Variants in TTC7B observed in about 807,000 individuals in gnomAD.
The protein encoded by TTC7B is tetratricopeptide repeat domain 7B.
Under a neutral mutation model 106.8 loss-of-function variants are expected in TTC7B, and 28 were observed. The ratio of observed to expected loss-of-function variants is 0.26; its 90% CI spans 0.19 to 0.36. The LOEUF (loss-of-function observed/expected upper bound fraction) is 0.36, where lower values mean the gene tolerates loss of function less well. TTC7B is among the 10% of genes least tolerant of loss of function. TTC7B has a pLI of 1.00. For missense variants in TTC7B, 862 were observed against 1,076.4 expected, an observed-to-expected ratio of 0.80 and a Z score of 2.79; for synonymous variants, 405 against 430.6, an observed-to-expected ratio of 0.94 and a Z score of 0.74.
At chr14:90,723,048 C>T (rs1477670422) in intron 5 of TTC7B, among the ~76,000 whole-genome samples, 2 of 152,246 alleles carry the variant, frequency 1.3e-5, no homozygotes, top group Non-Finnish European at 2.9e-5. Context: ...GTCTTCTGGT[C>T]ATGTTGACAC....
chr14:90,559,084 C>T (rs1890456764), intron 19 of TTC7B, among the ~76,000 whole-genome samples: 1 of 152,242 alleles, frequency 6.6e-6, no homozygotes, highest in African/African-American at 2.4e-5. Flanking sequence ...GAGCCATTTC[C>T]TCAAAACCTC....
At chr14:90,615,066 G>A (rs1893014346) in intron 16 of TTC7B, among the ~76,000 whole-genome samples, 1 of 152,218 alleles carries the variant, frequency 6.6e-6, no homozygotes, top group Admixed American at 6.5e-5. Flanking sequence ...CTCGCCAAAT[G>A]TAAGAGAATG....
intron 7 of TTC7B, among the ~76,000 whole-genome samples, chr14:90,685,991 C>A (rs1887238777): frequency 6.6e-6 from 1 of 152,206 alleles, no homozygotes; most frequent in Non-Finnish European, 1.5e-5. Context: ...GTCTCCAACT[C>A]ATTTTATGAG....
intron 16 of TTC7B, among the ~76,000 whole-genome samples, chr14:90,614,729 C>G (rs1179623718): frequency 6.6e-6 from 1 of 152,218 alleles, no homozygotes; most frequent in Admixed American, 6.5e-5. Context: ...CGGTAGCTAT[C>G]TTGCAAGGCT....
intron 14 of TTC7B, among the ~76,000 whole-genome samples, chr14:90,646,083 G>A (rs201157745): frequency 3.9e-5 from 6 of 152,322 alleles, no homozygotes; most frequent in East Asian, 3.9e-4. Flanking sequence ...TTTACAGGGA[G>A]GTATCCTGGT....
At chr14:90,552,543 C>G (rs1187612040) in intron 19 of TTC7B, among the ~76,000 whole-genome samples, 1 of 152,214 alleles carries the variant, frequency 6.6e-6, no homozygotes. Flanking sequence ...CCCCCAGGCT[C>G]TCAGGTGGGG....
intron 13 of TTC7B, 101 bp from the exon 14 acceptor site, chr14:90,647,124 C>A: frequency 2.0e-6 from 2 of 989,718 alleles, no homozygotes; most frequent in Non-Finnish European, 3.2e-6. Flanking sequence ...ATACTAAGGG[C>A]CCGTATTTAT....
At position 90,525,782 on chromosome 14, in the gene TTC7B, C is replaced by T. The variant is rs1438566285; in HGVS notation, c.*15586G>A. The T allele has an allele frequency of 2.0e-5, 3 of 147,386 alleles. 1 individual carries two copies. The highest frequency in any genetic ancestry group is 2.0e-4 in the Admixed American group (3 of 14,792). The allele number at this position is 147,386 out of a possible 1,614,324, so 9.1% of individuals were successfully genotyped here. Reference sequence around the variant, plus strand: ...CCCAACGACAAAGGCCCTCTCTAACCCGAGTACACCGGCCTCTGGCTTTGT... The same window carrying T: ...CCCAACGACAAAGGCCCTCTCTAACTCGAGTACACCGGCCTCTGGCTTTGT... On this transcript the variant is annotated 3_prime_UTR_variant, in exon 20 of 20. Coordinates refer to ENST00000328459, the MANE Select transcript of TTC7B (RefSeq NM_001010854.2).
At chr14:90,747,077 T>C (rs754498407) in intron 3 of TTC7B, among the ~76,000 whole-genome samples, 17 of 152,170 alleles carry the variant, frequency 1.1e-4, no homozygotes, top group Non-Finnish European at 1.9e-4. Context: ...ACAATGTTAT[T>C]AATGGCAGAG....
At chr14:90,550,358 G>C (rs1388037526) in intron 19 of TTC7B, among the ~76,000 whole-genome samples, 1 of 152,170 alleles carries the variant, frequency 6.6e-6, no homozygotes, top group Admixed American at 6.5e-5. Flanking sequence ...AGTGAACATG[G>C]GATGCATGTA....
intron 9 of TTC7B, among the ~76,000 whole-genome samples, chr14:90,665,318 C>T (rs963270447): frequency 5.9e-5 from 9 of 152,198 alleles, no homozygotes; most frequent in African/African-American, 2.2e-4. Context: ...CTCTAAATGG[C>T]ATCCTAATCA....
At position 90,536,580 on chromosome 14, in the gene TTC7B, C is replaced by T. The variant is rs1889424352; in HGVS notation, c.*4788G>A. 6.6e-6 allele frequency: 1 copy of T among 152,634 alleles called. No individual in the cohort carries two copies. The highest frequency in any genetic ancestry group is 1.5e-5 in the Non-Finnish European group (1 of 68,240). The allele number at this position is 152,634 out of a possible 1,614,324, so 9.5% of individuals were successfully genotyped here. A position where few individuals can be genotyped will look rare whatever the true frequency, so the allele number is the denominator to read the frequency against. On this transcript the variant is annotated 3_prime_UTR_variant, in exon 20 of 20. Transcript: ENST00000328459. ...CTCAGGACAAGACCCTCACCCTCAT[C>T]CCTGGCGTCTCCCCTCCCTCACACC...
intron 18 of TTC7B, among the ~76,000 whole-genome samples, chr14:90,585,334 G>C (rs910295325): frequency 4.6e-5 from 7 of 152,264 alleles, no homozygotes; most frequent in African/African-American, 1.7e-4. Flanking sequence ...GCCCTTCCTG[G>C]CCTCAGCCCC....
At chr14:90,552,592 A>C (rs1890133721) in intron 19 of TTC7B, among the ~76,000 whole-genome samples, 1 of 152,120 alleles carries the variant, frequency 6.6e-6, no homozygotes, top group South Asian at 2.1e-4. Flanking sequence ...CCAGATCCAC[A>C]AAGGCCGCTG....
intron 3 of TTC7B, among the ~76,000 whole-genome samples, chr14:90,772,254 T>A (rs1890890551): frequency 6.6e-6 from 1 of 151,908 alleles, no homozygotes; most frequent in East Asian, 1.9e-4. Context: ...GGGAAATCAT[T>A]AAGAACAGGC....
chr14:90,583,566 C>T (rs1312304236), intron 18 of TTC7B, among the ~76,000 whole-genome samples: 1 of 152,172 alleles, frequency 6.6e-6, no homozygotes, highest in Non-Finnish European at 1.5e-5. Flanking sequence ...GCTCTGGGAA[C>T]TCAACGCCAT....
chr14:90,774,919 T>C (rs1347862169), intron 3 of TTC7B, among the ~76,000 whole-genome samples: 1 of 152,134 alleles, frequency 6.6e-6, no homozygotes, highest in East Asian at 1.9e-4. Flanking sequence ...TGCACGCACC[T>C]GTAATCCCAG....
rs2030659030 is a variant in TTC7B, at chr14:90,807,108, G to A, written c.121+9067C>T. ...TACCGTTCCACTTGCCCAGGACTGA[G>A]GGAGCTTCTGGGACTCAGGACTTTG... On this transcript the variant is annotated intron_variant, in intron 1 of 19. Transcript: ENST00000328459. The surrounding 1 kb of genome is among the most constrained non-coding windows in gnomAD (Gnocchi z 4.1). Among the ~76,000 whole-genome samples the A allele has an allele frequency of 6.6e-6, 1 of 152,080 alleles. No individual in the cohort carries two copies.
rs190732422 is a variant in TTC7B, at chr14:90,682,820, G to T, written c.951-2285C>A. Among the ~76,000 whole-genome samples the T allele has an allele frequency of 2.0e-5, 3 of 152,326 alleles. No individual in the cohort carries two copies. In the East Asian group the frequency reaches 5.8e-4, roughly 29 times the overall value. On this transcript the variant is annotated intron_variant, in intron 7 of 19. Transcript: ENST00000328459. Reference sequence around the variant, plus strand: ...GAGGCGGCAGTGGGGCAGCTGCTGCGCTGAGAATGGGAGGGTGCGTCCTCG... The same window carrying T: ...GAGGCGGCAGTGGGGCAGCTGCTGCTCTGAGAATGGGAGGGTGCGTCCTCG...
Sources: allele counts gnomAD v4.1 joint callset (sites outside exome capture counted in the v4.1 genomes callset), GRCh38; gene constraint gnomAD v4.1.1; non-coding constraint Gnocchi (gnomAD v3.1); transcripts MANE v1.5; gene names NCBI Gene and HGNC (gene_info 2026-07-23, HGNC 2026-07-21).